GRIK2: variants seen among roughly 807,000 people sequenced by gnomAD.
GRIK2 encodes glutamate ionotropic receptor kainate type subunit 2.
Under a neutral mutation model 100.3 loss-of-function variants are expected in GRIK2, and 32 were observed. The ratio of observed to expected loss-of-function variants is 0.32; its 90% confidence interval spans 0.24 to 0.43. GRIK2 has a LOEUF of 0.43. GRIK2 is among the 20% of genes least tolerant of loss of function. The pLI is 1.00. For missense variants in GRIK2, 843 were observed against 1,114.9 expected (o/e 0.76, Z 3.47); for synonymous variants, 417 against 389.4 (o/e 1.07, Z -0.83).
chr6:101,826,144 G>C (rs962549259), intron 10 of GRIK2, among the ~76,000 whole-genome samples: 1 of 151,918 alleles, frequency 6.6e-6, no homozygotes, highest in African/African-American at 2.4e-5. Flanking sequence ...GTACCTAAAG[G>C]AGAAAGAGTA....
At chr6:101,919,639 G>A (rs1239350559) in intron 12 of GRIK2, among the ~76,000 whole-genome samples, 1 of 151,794 alleles carries the variant, frequency 6.6e-6, no homozygotes, top group Non-Finnish European at 1.5e-5. Context: ...AGTCATGAGT[G>A]TGTTAAGTGA....
intron 7 of GRIK2, among the ~76,000 whole-genome samples, chr6:101,769,353 A>G (rs1419877298): frequency 6.6e-6 from 1 of 152,178 alleles, no homozygotes; most frequent in Non-Finnish European, 1.5e-5. Flanking sequence ...TCAGAAAGAA[A>G]AGACACTAAA....
intron 7 of GRIK2, among the ~76,000 whole-genome samples, chr6:101,781,270 G>C (rs1368880530): frequency 2.6e-5 from 4 of 152,196 alleles, no homozygotes; most frequent in Non-Finnish European, 4.4e-5. Context: ...ATGAACCTCT[G>C]AAAGGAGTGT....
At position 101,997,579 on chromosome 6, in the gene GRIK2, G is replaced by A. The variant is rs190305568; in HGVS notation, c.2086-37762G>A. Among the ~76,000 whole-genome samples the A allele has an allele frequency of 3.4e-4, 51 of 152,126 alleles. 1 individual carries two copies. The highest frequency in any genetic ancestry group is 1.2e-3 in the African/African-American group (48 of 41,532). The stretch of plus-strand genomic sequence containing the variant: ...ACTTCATTGACTTCAACTTCCTGCT[G>A]TCAGAAACTATCCTTTAATAAGAGT... On this transcript the variant is annotated intron_variant, in intron 14 of 16. Transcript: ENST00000369134.
chr6:101,438,468 T>A (rs1239498161), intron 2 of GRIK2, among the ~76,000 whole-genome samples: 3 of 152,096 alleles, frequency 2.0e-5, no homozygotes, highest in East Asian at 3.9e-4. Flanking sequence ...CTCCTGTAAA[T>A]AGCTCCACTA....
At chr6:101,649,441 C>T (rs894023953) in intron 4 of GRIK2, among the ~76,000 whole-genome samples, 5 of 152,002 alleles carry the variant, frequency 3.3e-5, no homozygotes, top group African/African-American at 4.8e-5. Flanking sequence ...CTCTGGATCA[C>T]GTGGGTTGGA....
chr6:101,706,750 A>G (rs1773326154), intron 7 of GRIK2, among the ~76,000 whole-genome samples: 1 of 151,808 alleles, frequency 6.6e-6, no homozygotes, highest in Admixed American at 6.6e-5. Flanking sequence ...TCATTAGAGG[A>G]ATTTTGTACA....
intron 2 of GRIK2, among the ~76,000 whole-genome samples, chr6:101,606,482 C>T (rs761655449): frequency 1.3e-5 from 2 of 151,856 alleles, no homozygotes; most frequent in African/African-American, 4.8e-5. Flanking sequence ...ACAGCATGAG[C>T]CTTCTTTCTC....
At chr6:101,922,582 G>T (rs924585881) in intron 12 of GRIK2, among the ~76,000 whole-genome samples, 1 of 152,140 alleles carries the variant, frequency 6.6e-6, no homozygotes, top group African/African-American at 2.4e-5. Flanking sequence ...CTATTATTGT[G>T]TCAAAGTATT....
chr6:101,939,754 C>G (rs1265181366), intron 14 of GRIK2, among the ~76,000 whole-genome samples: 2 of 152,080 alleles, frequency 1.3e-5, no homozygotes, highest in African/African-American at 2.4e-5. Flanking sequence ...TTTTTGTCAG[C>G]CTTCTCTTTC....
At chr6:101,642,436 TC>T (rs1204531584) in intron 4 of GRIK2, among the ~76,000 whole-genome samples, 1 of 151,830 alleles carries the variant, frequency 6.6e-6, no homozygotes, top group Non-Finnish European at 1.5e-5. Flanking sequence ...CATTCTACTT[TC>T]TGTTTCTATG....
intron 2 of GRIK2, among the ~76,000 whole-genome samples, chr6:101,553,794 C>T (rs1776618266): frequency 6.6e-6 from 1 of 152,154 alleles, no homozygotes; most frequent in Non-Finnish European, 1.5e-5. Flanking sequence ...TGGAAAGAGT[C>T]AGAATTTAAA....
chr6:101,552,077 G>T (rs573384907), intron 2 of GRIK2, among the ~76,000 whole-genome samples: 1 of 152,080 alleles, frequency 6.6e-6, no homozygotes, highest in Non-Finnish European at 1.5e-5. Flanking sequence ...TGCATGTGTA[G>T]TTTTTTTCAG....
intron 14 of GRIK2, among the ~76,000 whole-genome samples, chr6:102,027,522 A>G (rs1769766213): frequency 6.6e-6 from 1 of 150,838 alleles, no homozygotes; most frequent in African/African-American, 2.4e-5. Context: ...ATAACAAAAC[A>G]TATTACAATA....
chr6:101,809,070 AG>A (rs1477618148), intron 9 of GRIK2, among the ~76,000 whole-genome samples: 1 of 151,802 alleles, frequency 6.6e-6, no homozygotes, highest in Non-Finnish European at 1.5e-5. Flanking sequence ...CACCTCTAAA[AG>A]GTTTAAATTT....
chr6:101,504,005 A>G (rs548198975), intron 2 of GRIK2, among the ~76,000 whole-genome samples: 3 of 152,292 alleles, frequency 2.0e-5, no homozygotes, highest in African/African-American at 7.2e-5. Context: ...CCTATAATTT[A>G]TACAAAATCG....
intron 10 of GRIK2, among the ~76,000 whole-genome samples, chr6:101,831,349 G>T (rs1278168687): frequency 6.6e-6 from 1 of 151,984 alleles, no homozygotes; most frequent in Admixed American, 6.6e-5. Context: ...ACATTGAGTT[G>T]TACTGATGGT....
intron 2 of GRIK2, among the ~76,000 whole-genome samples, chr6:101,404,120 GTTT>G (rs1775481126): frequency 6.6e-6 from 1 of 152,162 alleles, no homozygotes; most frequent in South Asian, 2.1e-4. Context: ...AGCGAACATG[GTTT>G]ATACGTCAGT....
chr6:101,533,745 G>A (rs1775555734), intron 2 of GRIK2, among the ~76,000 whole-genome samples: 1 of 151,870 alleles, frequency 6.6e-6, no homozygotes, highest in Non-Finnish European at 1.5e-5. Flanking sequence ...AAGTGCCTAG[G>A]TACAAGAGTT....
Sources: allele counts gnomAD v4.1 joint callset (sites outside exome capture counted in the v4.1 genomes callset), GRCh38; gene constraint gnomAD v4.1.1; transcripts MANE v1.5; gene names NCBI Gene and HGNC (gene_info 2026-07-23, HGNC 2026-07-21).